The following GARIN4 variants were observed in gnomAD, a reference collection of about 807,000 sequenced individuals.
GARIN4 encodes Golgi-associated RAB2 interactor protein 4.
the GARIN4 span, chr1:212,625,448 G>A: frequency 6.2e-7 from 1 of 1,614,202 alleles, no homozygotes; most frequent in Non-Finnish European, 8.5e-7. Flanking sequence ...TCCAGCTGAA[G>A]ACATGATGTG....
chr1:212,624,694 C>A, the GARIN4 span: 9 of 1,190,398 alleles, frequency 7.6e-6, no homozygotes, highest in African/African-American at 1.5e-5. Flanking sequence ...CTCCCACCCC[C>A]ACCCCGGCCT....
chr1:212,626,603 G>A, the GARIN4 span: 2 of 1,613,948 alleles, frequency 1.2e-6, no homozygotes, highest in East Asian at 2.2e-5. Flanking sequence ...CCAGGGGCTG[G>A]AGACGGTTGG....
At chr1:212,625,358 G>A in the GARIN4 span, 2 of 1,614,122 alleles carry the variant, frequency 1.2e-6, no homozygotes, top group Non-Finnish European at 1.7e-6. Flanking sequence ...TGACACACGG[G>A]ATGACCTCTT....
the GARIN4 span, chr1:212,626,695 C>T: frequency 7.7e-6 from 12 of 1,552,074 alleles, no homozygotes; most frequent in Non-Finnish European, 1.0e-5. Context: ...GCAAAGGAGC[C>T]CAGAGCTCAT....
At chr1:212,626,140 G>C in the GARIN4 span, 3 of 1,614,212 alleles carry the variant, frequency 1.9e-6, no homozygotes, top group Non-Finnish European at 2.5e-6. Flanking sequence ...AAGGCTGCAA[G>C]GAGGGGAGGG....
At chr1:212,625,336 G>T in the GARIN4 span, 1 of 1,614,246 alleles carries the variant, frequency 6.2e-7, no homozygotes, top group Non-Finnish European at 8.5e-7. Flanking sequence ...ATCTGCAATT[G>T]TGTCCCGCTC....
At chr1:212,624,549 T>C in the GARIN4 span, 1 of 203,760 alleles carries the variant, frequency 4.9e-6, no homozygotes, top group Non-Finnish European at 9.8e-6. Context: ...CAAACTGTAA[T>C]TAAAAAAATC....
the GARIN4 span, chr1:212,625,333 A>G: frequency 1.5e-5 from 24 of 1,614,130 alleles, no homozygotes; most frequent in Non-Finnish European, 1.9e-5. Flanking sequence ...GCTATCTGCA[A>G]TTGTGTCCCG....
the GARIN4 span, chr1:212,626,771 T>A: frequency 6.9e-7 from 1 of 1,456,266 alleles, no homozygotes; most frequent in African/African-American, 1.4e-5. Flanking sequence ...ATCATACATC[T>A]GAAAGTGGCT....
chr1:212,625,206 G>T, the GARIN4 span: 12 of 1,614,040 alleles, frequency 7.4e-6, no homozygotes, highest in South Asian at 1.1e-4. Context: ...AGAAAAAAAC[G>T]CAAGGCAGCA....
At chr1:212,625,191 C>T in the GARIN4 span, 14 of 1,613,906 alleles carry the variant, frequency 8.7e-6, no homozygotes, top group Non-Finnish European at 1.2e-5. Context: ...GGCCAGGCCA[C>T]CAAGAGAAAA....
the GARIN4 span, chr1:212,624,625 G>A: frequency 1.6e-4 from 74 of 450,594 alleles, no homozygotes; most frequent in Admixed American, 4.4e-4. Flanking sequence ...GCATCTCTAC[G>A]TCTTGGAAGA....
chr1:212,624,934 C>T, the GARIN4 span: 8 of 1,613,512 alleles, frequency 5.0e-6, no homozygotes, highest in East Asian at 4.5e-5. Context: ...CCAGCATGAG[C>T]ATGTTCAACA....
chr1:212,624,887 G>A, the GARIN4 span: 1 of 1,585,226 alleles, frequency 6.3e-7, no homozygotes, highest in Admixed American at 1.8e-5. Flanking sequence ...CATGAATGCT[G>A]ATTTTCTGCT....
chr1:212,625,233 C>A, the GARIN4 span: 1 of 1,614,010 alleles, frequency 6.2e-7, no homozygotes, highest in South Asian at 1.1e-5. Context: ...TTAGAGCTCA[C>A]CAGGCTTCTG....
At chr1:212,625,242 T>TA in the GARIN4 span, 8 of 1,614,062 alleles carry the variant, frequency 5.0e-6, no homozygotes, top group Admixed American at 1.0e-4. Context: ...ACCAGGCTTC[T>TA]GCCCCTGAGG....
the GARIN4 span, chr1:212,625,915 G>C: frequency 1.9e-6 from 3 of 1,614,216 alleles, no homozygotes; most frequent in Non-Finnish European, 2.5e-6. Context: ...CTGTGGCAGG[G>C]GCTGCAGGCA....
At chr1:212,625,874 G>A in the GARIN4 span, 2 of 1,614,240 alleles carry the variant, frequency 1.2e-6, no homozygotes, top group Non-Finnish European at 1.7e-6. Context: ...TGCAGGCACT[G>A]CCAGCATGGC....
chr1:212,626,234 A>G, the GARIN4 span: 20 of 1,614,124 alleles, frequency 1.2e-5, no homozygotes, highest in Non-Finnish European at 1.7e-5. Context: ...AAGGGGAGAC[A>G]AGATTGCCCA....
Sources: gnomAD v4.1 joint callset for allele counts on GRCh38, gnomAD v4.1.1 for gene constraint, MANE v1.5 for transcripts, NCBI Gene and HGNC (gene_info 2026-07-23, HGNC 2026-07-21) for gene names.